The following CARD14 variants were observed in gnomAD, a reference collection of about 807,000 sequenced individuals.
CARD14 encodes caspase recruitment domain-containing protein 14.
In CARD14, 107 loss-of-function variants were observed where a neutral mutation model predicts 111.5. That is an observed-to-expected ratio of 0.96 (90% confidence interval 0.82 to 1.13). The LOEUF is 1.13. Among genes scored for constraint, CARD14 ranks in the 50% most tolerant of loss-of-function variants. The probability of loss-of-function intolerance (pLI) is 0.00; values close to 1 mark genes in which losing one functional copy is unlikely to be tolerated. For synonymous variants in CARD14, 617 were observed against 579.6 expected (o/e 1.06, Z -0.93); for missense variants, 1,322 against 1,362.3 (o/e 0.97, Z 0.47).
At position 80,172,940 on chromosome 17, in the gene CARD14, G is replaced by A. The variant is rs2039937690; in HGVS notation, c.-655G>A. 1 of 131,370 alleles carries A rather than the reference G, an allele frequency of 7.6e-6. No homozygotes were observed. Among genetic ancestry groups the A allele is most frequent in the African/African-American group, 2.9e-5 (1 of 33,986 alleles). The allele number at this position is 131,370 out of a possible 1,614,324, so 8.1% of individuals were successfully genotyped here. ...CTGGCTCCTAGGCTGGAATGCAGTG[G>A]CACCATCTCAGCTCTCTGCAACCTC... On this transcript the variant is annotated 5_prime_UTR_variant, in exon 2 of 24. The change creates a premature stop within an existing upstream ORF in the 5' untranslated region. Transcript: ENST00000648509.
At chr17:80,171,120 C>T (rs1239790948) in intron 1 of CARD14, among the ~76,000 whole-genome samples, 2 of 149,998 alleles carry the variant, frequency 1.3e-5, no homozygotes, top group African/African-American at 4.9e-5. Context: ...GGATTACGGG[C>T]GTGAGCCACG....
intron 2 of CARD14, among the ~76,000 whole-genome samples, chr17:80,175,352 TA>T (rs1356098174): frequency 6.6e-6 from 1 of 152,230 alleles, no homozygotes; most frequent in East Asian, 1.9e-4. Context: ...TTCACTTATT[TA>T]TTTTTTTAAC....
In CARD14 at chr17:80,189,661, C is replaced by T. The variant is rs1250999254; in HGVS notation, c.844-92C>T. 3.0e-5 allele frequency: 41 copies of T among 1,379,176 alleles called. No homozygotes were observed. Among genetic ancestry groups the T allele is most frequent in the East Asian group, 2.0e-4 (7 of 34,236 alleles). The allele number at this position is 1,379,176 out of a possible 1,614,324, so 85.4% of individuals were successfully genotyped here. A position where few individuals can be genotyped will look rare whatever the true frequency, so the allele number is the denominator to read the frequency against. ...GACTGCATCCGTCCACACACCTGACCGTGCAGTTGCCGCCATCTTCTCGGG... is the reference window on the plus strand; with the variant it reads ...GACTGCATCCGTCCACACACCTGACTGTGCAGTTGCCGCCATCTTCTCGGG... On this transcript the variant is annotated intron_variant, in intron 8 of 23. Transcript: ENST00000648509. The surrounding 1 kb of genome is among the most constrained non-coding windows in gnomAD (Gnocchi z 4.7).
Position 80,195,529 on chromosome 17 carries a change from T to A in CARD14, c.1500-29T>A, listed in dbSNP as rs556359326. ...ACTCAGAGGGAGCAGGTGATGCAGT[T>A]TGAGCCTGCTGCTGCTTATGCTTTG... On this transcript the variant is annotated intron_variant, in intron 13 of 23. Coordinates refer to ENST00000648509, the MANE Select transcript of CARD14 (RefSeq NM_001366385.1). The surrounding 1 kb of genome is among the most constrained non-coding windows in gnomAD (Gnocchi z 4.7). The A allele has an allele frequency of 3.1e-6, 5 of 1,595,218 alleles. No homozygotes were observed. In the African/African-American group the frequency reaches 4.0e-5, roughly 13 times the overall value.
rs1408466317 is a variant in CARD14 at position 80,190,917 on chromosome 17, C to T, written c.1089+18C>T. 5 of 1,610,168 alleles carry T rather than the reference C, an allele frequency of 3.1e-6. No individual in the cohort carries two copies. The highest frequency in any genetic ancestry group is 8.5e-7 in the Non-Finnish European group (1 of 1,178,930). On this transcript the variant is annotated intron_variant, in intron 10 of 23. Coordinates refer to ENST00000648509, the MANE Select transcript of CARD14 (RefSeq NM_001366385.1). ...GAGACCAGGTACCTGAGAGGCCGGG[C>T]CCACCCCGCCACCCCATGCTTGCTT...
chr17:80,189,773 G>A lies in CARD14; in HGVS notation c.864G>A (p.Glu288=), dbSNP rs371000277. The A allele has an allele frequency of 1.6e-5, 25 of 1,583,574 alleles. No homozygotes were observed. The highest frequency in any genetic ancestry group is 2.0e-5 in the Non-Finnish European group (23 of 1,168,854). The part of the protein sequence containing the change: ...TFSLAEKDIL[E]QSLDEARGSR... Reference sequence around the variant, plus strand: ...CCCAGGCGGAGAAGGACATTCTGGAGCAGAGCCTGGACGAGGCGCGGGGGA... The same window carrying A: ...CCCAGGCGGAGAAGGACATTCTGGAACAGAGCCTGGACGAGGCGCGGGGGA... The change falls in exon 9 of 24, where the codon GAG becomes GAA. Residue 288 remains glutamate (E), a synonymous_variant. Transcript: ENST00000648509. The surrounding 1 kb of genome is among the most constrained non-coding windows in gnomAD (Gnocchi z 4.7).
At chr17:80,180,811 G>A (rs1412498646) in intron 4 of CARD14, among the ~76,000 whole-genome samples, 2 of 152,198 alleles carry the variant, frequency 1.3e-5, no homozygotes, top group Non-Finnish European at 2.9e-5. Context: ...CACCCAGGCT[G>A]GAGTGCAGTG....
chr17:80,191,443 C>G lies in CARD14; in HGVS notation c.1210C>G (p.Arg404Gly). The G allele has an allele frequency of 6.2e-7, 1 of 1,613,186 alleles. No individual in the cohort carries two copies. The highest frequency in any genetic ancestry group is 1.3e-5 in the African/African-American group (1 of 75,064). Residue 404 changes from arginine to glycine, a missense_variant, in exon 11 of 24, where the codon CGC becomes GGC. Physicochemically the swap from Arg to Gly is moderately radical, Grantham distance 125. Transcript: ENST00000648509. ...DQVCELRTQL[R>G]QLQAEPPGVL... ...GGTCTGCGAGCTGCGCACACAGCTT[C>G]GCCAGCTGCAGGCAGAGCCTCCGGG...
chr17:80,205,613 C>G lies in CARD14; in HGVS notation c.2652C>G (p.Cys884Trp), dbSNP rs751614292. The change falls in exon 22 of 24, where the codon TGC (cysteine) becomes TGG (tryptophan). Residue 884 changes from cysteine (C) to tryptophan (W), a missense_variant. By Grantham distance (215) the Cys-to-Trp change is radical. Transcript: ENST00000648509. ...AGGGAGAGGTGTCCGGGGGCCGCTGCTGGGTGACCCGCCATGCTGTGGAGT... is the reference window on the plus strand; with the variant it reads ...AGGGAGAGGTGTCCGGGGGCCGCTGGTGGGTGACCCGCCATGCTGTGGAGT... ...IQEGEVSGGR[C>W]WVTRHAVESL... The G allele has an allele frequency of 1.3e-6, 2 of 1,512,782 alleles. No individual in the cohort carries two copies. The highest frequency in any genetic ancestry group is 1.8e-6 in the Non-Finnish European group (2 of 1,122,962). The allele number at this position is 1,512,782 out of a possible 1,614,324, so 93.7% of individuals were successfully genotyped here.
chr17:80,187,389 G>A (rs1345939979), intron 7 of CARD14, among the ~76,000 whole-genome samples: 1 of 152,196 alleles, frequency 6.6e-6, no homozygotes, highest in African/African-American at 2.4e-5. Context: ...CGTTCTCTCT[G>A]TCCTTGTCTG....
At position 80,191,736 on chromosome 17, in the gene CARD14, T is replaced by C. The variant is rs955802185; in HGVS notation, c.1239+264T>C. ...CCTCCATATCATCGAATGGGGAGCT[T>C]AGCGGAAGGTTCTGGAACCTGTGGA... On this transcript the variant is annotated intron_variant, in intron 11 of 23. Coordinates refer to ENST00000648509, the MANE Select transcript of CARD14 (RefSeq NM_001366385.1). 2.6e-5 allele frequency among the ~76,000 whole-genome samples: 4 copies of C among 152,286 alleles called. 1 individual carries two copies. In the South Asian group the frequency reaches 8.3e-4, roughly 32 times the overall value.
In CARD14 at chr17:80,188,679, C is replaced by T. The variant is rs2040422546; in HGVS notation, c.843+135C>T. The stretch of plus-strand genomic sequence containing the variant: ...GATGAAATTTAGTGACTCATCTCAC[C>T]CACTTTCTCTTTACCTCCTTCCTTC... On this transcript the variant is annotated intron_variant, in intron 8 of 23. Coordinates refer to ENST00000648509, the MANE Select transcript of CARD14 (RefSeq NM_001366385.1). This position sits in a 1 kb window ranked among gnomAD's most constrained non-coding sequence, Gnocchi z 4.5. 8 of 903,570 alleles carry T rather than the reference C, an allele frequency of 8.9e-6. No homozygotes were observed. 56.0% of individuals were successfully genotyped at this position (903,570 alleles called of 1,614,324 possible).
Position 80,203,759 on chromosome 17 carries a change from T to C in CARD14, c.2220-63T>C. The C allele has an allele frequency of 2.2e-6, 3 of 1,354,480 alleles. No homozygotes were observed. The highest frequency in any genetic ancestry group is 3.1e-6 in the Non-Finnish European group (3 of 977,272). 83.9% of individuals were successfully genotyped at this position (1,354,480 alleles called of 1,614,324 possible). ...TCTCCCCCACTCTCCCCTGCTCGGCTCTCCCCTGCCCTGCTCACCTGGCAG... is the reference window on the plus strand; with the variant it reads ...TCTCCCCCACTCTCCCCTGCTCGGCCCTCCCCTGCCCTGCTCACCTGGCAG... On this transcript the variant is annotated intron_variant, in intron 18 of 23. Transcript: ENST00000648509. The surrounding 1 kb of genome is among the most constrained non-coding windows in gnomAD (Gnocchi z 4.6).
Position 80,191,332 on chromosome 17 carries a change from G to C in CARD14, c.1099G>C (p.Ala367Pro), listed in dbSNP as rs375882704. 1.2e-5 allele frequency: 19 copies of C among 1,613,122 alleles called. No homozygotes were observed. Among genetic ancestry groups the C allele is most frequent in the Non-Finnish European group, 1.5e-5 (18 of 1,179,336 alleles). Reference protein sequence around the residue: ...LQKERDQAYSARDSAQREISQ... With the variant: ...LQKERDQAYSPRDSAQREISQ... ...CCGTCGTGGCCCACAGGCGTACTCC[G>C]CGAGGGACAGTGCTCAGAGGGAGAT... Residue 367 changes from alanine (A) to proline (P), a missense_variant, in exon 11 of 24, where the codon GCG (alanine) becomes CCG (proline). Transcript: ENST00000648509.
Position 80,209,149 on chromosome 17 carries a change from G to T in CARD14, c.*804G>T. ...TACTCCACCTTCAGGGCTCGGGGAG[G>T]ACCCAGGTCCGCCAGCACCTGGCCT... On this transcript the variant is annotated 3_prime_UTR_variant, in exon 24 of 24. Coordinates refer to ENST00000648509, the MANE Select transcript of CARD14 (RefSeq NM_001366385.1). The T allele has an allele frequency of 4.2e-6, 1 of 236,436 alleles. No homozygotes were observed. The highest frequency in any genetic ancestry group is 6.9e-6 in the Non-Finnish European group (1 of 145,166). The allele number at this position is 236,436 out of a possible 1,614,324, so 14.6% of individuals were successfully genotyped here. A position where few individuals can be genotyped will look rare whatever the true frequency, so the allele number is the denominator to read the frequency against.
In CARD14 at chr17:80,201,897, A is replaced by G. The variant is rs1446450473; in HGVS notation, c.1978+27A>G. ...TACACATACCACTCCTCTCGTGTGC[A>G]CAGCTGCCTGGCCAGACTCCATGAC... On this transcript the variant is annotated intron_variant, in intron 17 of 23. Coordinates refer to ENST00000648509, the MANE Select transcript of CARD14 (RefSeq NM_001366385.1). This position sits in a 1 kb window ranked among gnomAD's most constrained non-coding sequence, Gnocchi z 5.0. 6.3e-7 allele frequency: 1 copy of G among 1,589,558 alleles called. No individual in the cohort carries two copies. Among genetic ancestry groups the G allele is most frequent in the Non-Finnish European group, 8.6e-7 (1 of 1,166,048 alleles).
rs2040218462 is a variant in CARD14 at position 80,182,892 on chromosome 17, C to G, written c.349+102C>G. The G allele has an allele frequency of 7.1e-7, 1 of 1,408,162 alleles. No individual in the cohort carries two copies. Among genetic ancestry groups the G allele is most frequent in the African/African-American group, 1.4e-5 (1 of 70,468 alleles). 87.2% of individuals were successfully genotyped at this position (1,408,162 alleles called of 1,614,324 possible). On this transcript the variant is annotated intron_variant, in intron 6 of 23. Transcript: ENST00000648509. This position sits in a 1 kb window ranked among gnomAD's most constrained non-coding sequence, Gnocchi z 4.7. ...TACTTGCCGATTTGCCCTACTCCCC[C>G]TTCCCTCCAGGCTGCAGTTCCTGTC...
chr17:80,182,682 G>A lies in CARD14; in HGVS notation c.241G>A (p.Gly81Arg). 6.2e-7 allele frequency: 1 copy of A among 1,614,120 alleles called. No homozygotes were observed. Among genetic ancestry groups the A allele is most frequent in the South Asian group, 1.1e-5 (1 of 91,076 alleles). The change falls in exon 6 of 24, where the codon GGG (glycine) becomes AGG (arginine). Residue 81 changes from glycine to arginine, a missense_variant. Coordinates refer to ENST00000648509, the MANE Select transcript of CARD14 (RefSeq NM_001366385.1). This position sits in a 1 kb window ranked among gnomAD's most constrained non-coding sequence, Gnocchi z 4.7. The part of the protein sequence containing the change: ...GHLLDLLKTR[G>R]KNGAIAFLES... The stretch of plus-strand genomic sequence containing the variant: ...CTTGCTGGATTTGCTGAAGACTCGA[G>A]GGAAGAACGGGGCCATCGCCTTCCT...
rs890451796 is a variant in CARD14 at position 80,189,749 on chromosome 17, C to T, written c.844-4C>T. ...CACCCCAGGCTGACCTCTCTCTGCCCCAGGCGGAGAAGGACATTCTGGAGC... is the reference window on the plus strand; with the variant it reads ...CACCCCAGGCTGACCTCTCTCTGCCTCAGGCGGAGAAGGACATTCTGGAGC... On this transcript the variant is annotated splice_polypyrimidine_tract_variant and splice_region_variant and intron_variant, in intron 8 of 23. Coordinates refer to ENST00000648509, the MANE Select transcript of CARD14 (RefSeq NM_001366385.1). This position sits in a 1 kb window ranked among gnomAD's most constrained non-coding sequence, Gnocchi z 4.7. 4 of 1,571,380 alleles carry T rather than the reference C, an allele frequency of 2.5e-6. No individual in the cohort carries two copies. The highest frequency in any genetic ancestry group is 1.4e-5 in the African/African-American group (1 of 71,578).
Sources: gnomAD v4.1 joint callset for allele counts (sites outside exome capture counted in the v4.1 genomes callset) on GRCh38, gnomAD v4.1.1 for gene constraint, Gnocchi (gnomAD v3.1) non-coding constraint, MANE v1.5 for transcripts, NCBI Gene and HGNC (gene_info 2026-07-23, HGNC 2026-07-21) for gene names.